The following SYNRG variants were observed in gnomAD, a reference collection of about 807,000 sequenced individuals.
SYNRG encodes the protein AP1 gamma subunit binding protein 1.
In SYNRG, 37 loss-of-function variants were observed where a neutral mutation model predicts 130.9. That is an observed-to-expected ratio of 0.28 (90% confidence interval 0.22 to 0.37). The LOEUF (loss-of-function observed/expected upper bound fraction) is 0.37, where lower values mean the gene tolerates loss of function less well. SYNRG is among the 10% of genes least tolerant of loss of function. The pLI, the probability that SYNRG is intolerant of heterozygous loss-of-function variation, is 1.00. For synonymous variants in SYNRG, 539 were observed against 568.1 expected (o/e 0.95, Z 0.73); for missense variants, 1,338 against 1,588.9 (o/e 0.84, Z 2.68).
In SYNRG at chr17:37,553,509, C is replaced by T. The variant is rs750643707; in HGVS notation, c.2214G>A (p.Ser738=). The part of the protein sequence containing the change: ...VGSTVKGGQN[S]TAASTKYDVF... The stretch of plus-strand genomic sequence containing the variant: ...CATCGTACTTGGTAGACGCAGCAGT[C>T]GAGTTTTGTCCACCCTTCACTGTGC... Residue 738 remains serine (S), a synonymous_variant, in exon 14 of 22, where the codon TCG becomes TCA. Coordinates refer to ENST00000612223, the MANE Select transcript of SYNRG (RefSeq NM_007247.6). The T allele has an allele frequency of 5.0e-6, 8 of 1,614,180 alleles. No individual in the cohort carries two copies. The highest frequency in any genetic ancestry group is 3.3e-5 in the South Asian group (3 of 91,082).
intron 13 of SYNRG, among the ~76,000 whole-genome samples, chr17:37,560,625 T>C (rs1401628936): frequency 1.3e-5 from 2 of 148,908 alleles, no homozygotes; most frequent in East Asian, 4.0e-4. Context: ...AGGTGTGAGC[T>C]ACTGTGCCCG....
At chr17:37,528,445 T>C (rs950337530) in intron 19 of SYNRG, among the ~76,000 whole-genome samples, 1 of 152,176 alleles carries the variant, frequency 6.6e-6, no homozygotes, top group East Asian at 1.9e-4. Context: ...TATTAATAAA[T>C]GGTAACCAGT....
chr17:37,591,690 T>C (rs765823614), intron 3 of SYNRG, among the ~76,000 whole-genome samples: 5 of 152,228 alleles, frequency 3.3e-5, no homozygotes, highest in Non-Finnish European at 7.3e-5. Flanking sequence ...TGTGAAAGCA[T>C]TTCAATGGAA....
chr17:37,530,489 G>A (rs1269627225), intron 19 of SYNRG, among the ~76,000 whole-genome samples: 1 of 152,204 alleles, frequency 6.6e-6, no homozygotes, highest in East Asian at 1.9e-4. Flanking sequence ...AATTTCATTA[G>A]TAGCTGGAGC....
chr17:37,526,474 A>G (rs1334500737), intron 19 of SYNRG, among the ~76,000 whole-genome samples: 1 of 152,232 alleles, frequency 6.6e-6, no homozygotes, highest in Non-Finnish European at 1.5e-5. Flanking sequence ...AATGTCTTGT[A>G]TAATCTTTCC....
intron 3 of SYNRG, among the ~76,000 whole-genome samples, chr17:37,594,093 G>A (rs191204237): frequency 1.6e-3 from 237 of 150,802 alleles, no homozygotes; most frequent in African/African-American, 5.6e-3. Context: ...GTTTTTGGTT[G>A]TTTCAAACTC....
In SYNRG at chr17:37,516,536, A is replaced by C. The variant is rs1165057366; in HGVS notation, c.*2404T>G. 1 of 152,194 alleles carries C rather than the reference A, an allele frequency of 6.6e-6. No homozygotes were observed. Among genetic ancestry groups the C allele is most frequent in the East Asian group, 1.9e-4 (1 of 5,198 alleles). The allele number at this position is 152,194 out of a possible 1,614,324, so 9.4% of individuals were successfully genotyped here. A position where few individuals can be genotyped will look rare whatever the true frequency, so the allele number is the denominator to read the frequency against. ...CTGAGGCATTCTGGAATTTCTCAGG[A>C]ATAGAAACCAGCCCAGCTACCAAGT... is the stretch of plus-strand genomic sequence containing the variant. On this transcript the variant is annotated 3_prime_UTR_variant, in exon 22 of 22. Transcript: ENST00000612223.
intron 3 of SYNRG, among the ~76,000 whole-genome samples, chr17:37,588,290 T>G (rs868814079): frequency 6.4e-5 from 9 of 139,636 alleles, no homozygotes; most frequent in African/African-American, 2.5e-4. Context: ...TGAGACAGGA[T>G]CTCACTCTGT....
rs144798197 is a variant in SYNRG, at chr17:37,571,958, T to C, written c.931A>G (p.Met311Val). Residue 311 changes from methionine (M) to valine (V), a missense_variant, in exon 9 of 22, where the codon ATG (methionine) becomes GTG (valine). Met to Val is a conservative substitution (Grantham distance 21). This residue lies in a region of SYNRG where 1,146 missense variants were observed against 1,342.3 expected (regional missense o/e 0.85). Coordinates refer to ENST00000612223, the MANE Select transcript of SYNRG (RefSeq NM_007247.6). ...GCAGTATCTATTCCAGTTGGAGTCA[T>C]TGTGGTTTCTAAGATTTTCTTATAG... ...DAYKKILETT[M>V]TPTGIDTAKL... is the part of the protein sequence containing the mutation. 6,506 of 1,612,412 alleles carry C rather than the reference T, an allele frequency of 4.0e-3. 24 individuals carry two copies. The highest frequency in any genetic ancestry group is 5.1e-3 in the Non-Finnish European group (5,957 of 1,179,594).
chr17:37,600,391 A>T lies in SYNRG; in HGVS notation c.90T>A (p.Pro30=). 1 of 1,613,644 alleles carries T rather than the reference A, an allele frequency of 6.2e-7. No individual in the cohort carries two copies. Among genetic ancestry groups the T allele is most frequent in the South Asian group, 1.1e-5 (1 of 91,048 alleles). The stretch of plus-strand genomic sequence containing the variant: ...GAGGGGGTCTTATCCCACCTGCAAC[A>T]GGAAACATGAAGCTGAAAACAGAAT... ...GSAGGGGFMF[P]VAGGIRPPQA... Residue 30 remains proline (P), a synonymous_variant, in exon 2 of 22, where the codon CCT becomes CCA. Transcript: ENST00000612223.
chr17:37,588,556 C>T (rs1454848386), intron 3 of SYNRG, among the ~76,000 whole-genome samples: 2 of 152,170 alleles, frequency 1.3e-5, no homozygotes, highest in African/African-American at 4.8e-5. Flanking sequence ...AGCCACCACG[C>T]CCAGCCAGCT....
chr17:37,577,346 A>C (rs2060917855), intron 7 of SYNRG, 34 bp downstream of exon 7: 1 of 1,596,858 alleles, frequency 6.3e-7, no homozygotes, highest in Non-Finnish European at 8.6e-7. Flanking sequence ...CATTTGGTTA[A>C]ACAAGTTTTT....
At chr17:37,584,403 A>G (rs2061543472) in intron 6 of SYNRG, 2 of 387,034 alleles carry the variant, frequency 5.2e-6, no homozygotes, top group Non-Finnish European at 9.6e-6. Flanking sequence ...CAGAAAACTT[A>G]CAGGTGAAAT....
At chr17:37,566,148 T>C (rs1355211455) in intron 11 of SYNRG, among the ~76,000 whole-genome samples, 1 of 152,186 alleles carries the variant, frequency 6.6e-6, no homozygotes, top group Non-Finnish European at 1.5e-5. Flanking sequence ...CAACCGCTCA[T>C]TGAGAAGGGG....
At chr17:37,570,937 C>T in intron 9 of SYNRG, 52 bp from the exon 10 acceptor site, 3 of 1,549,482 alleles carry the variant, frequency 1.9e-6, no homozygotes, top group Non-Finnish European at 2.6e-6. Context: ...CACATACGGT[C>T]GAAATCTGGC....
chr17:37,586,496 T>C lies in SYNRG; in HGVS notation c.294A>G (p.Gln98=), dbSNP rs376279063. Residue 98 remains glutamine (Q), a synonymous_variant, in exon 4 of 22, where the codon CAA becomes CAG. Coordinates refer to ENST00000612223, the MANE Select transcript of SYNRG (RefSeq NM_007247.6). Reference sequence around the variant, plus strand: ...GAGGACGCATGCCCAGGAAGGGTGCTTGTCCTAGGTAAGGCATTCCCGCTG... The same window carrying C: ...GAGGACGCATGCCCAGGAAGGGTGCCTGTCCTAGGTAAGGCATTCCCGCTG... The part of the protein sequence containing the change: ...MPAAGMPYLG[Q]APFLGMRPPG... 24 of 1,614,208 alleles carry C rather than the reference T, an allele frequency of 1.5e-5. No homozygotes were observed. The highest frequency in any genetic ancestry group is 2.7e-5 in the African/African-American group (2 of 75,048).
chr17:37,527,078 A>C (rs968901856), intron 19 of SYNRG, among the ~76,000 whole-genome samples: 4 of 152,266 alleles, frequency 2.6e-5, no homozygotes, highest in African/African-American at 7.2e-5. Flanking sequence ...ATAGGAAATA[A>C]GGACTCTGAA....
At chr17:37,575,441 C>A (rs1488886634) in intron 8 of SYNRG, among the ~76,000 whole-genome samples, 1 of 143,934 alleles carries the variant, frequency 6.9e-6, no homozygotes, top group African/African-American at 2.5e-5. Flanking sequence ...AATTATGTAG[C>A]CACAAAAATT....
chr17:37,577,672 C>A, intron 6 of SYNRG, 59 bp from the exon 7 acceptor site: 2 of 1,245,840 alleles, frequency 1.6e-6, no homozygotes, highest in Non-Finnish European at 2.3e-6. Flanking sequence ...ATCTTTTTAA[C>A]CATCCATCTC....
Sources: gnomAD v4.1 joint callset for allele counts (sites outside exome capture counted in the v4.1 genomes callset) on GRCh38, gnomAD v4.1.1 for gene constraint, gnomAD v4.1.1 regional missense constraint, MANE v1.5 for transcripts, NCBI Gene and HGNC (gene_info 2026-07-23, HGNC 2026-07-21) for gene names.